The following ARFGEF3 variants were observed in gnomAD, a reference collection of about 807,000 sequenced individuals.
The protein encoded by ARFGEF3 is brefeldin A-inhibited guanine nucleotide-exchange protein 3.
A neutral mutation model predicts 221.7 loss-of-function variants in ARFGEF3; 96 were observed. That is an observed-to-expected ratio of 0.43 (90% CI 0.37 to 0.51). The LOEUF (loss-of-function observed/expected upper bound fraction) is 0.51. Among genes scored for constraint, ARFGEF3 ranks in the 20% least tolerant of loss-of-function variants. The probability of loss-of-function intolerance (pLI) is 0.00; values close to 1 mark genes in which losing one functional copy is unlikely to be tolerated. For synonymous variants in ARFGEF3, 1,145 were observed against 1,126.8 expected (o/e 1.02, Z -0.32); for missense variants, 2,410 against 2,789.9 (o/e 0.86, Z 3.07).
At chr6:138,259,188 G>A (rs1201286761) in intron 10 of ARFGEF3, among the ~76,000 whole-genome samples, 2 of 152,328 alleles carry the variant, frequency 1.3e-5, no homozygotes, top group Admixed American at 1.3e-4. Flanking sequence ...ATACCAAAAT[G>A]TGCAGGGCTT....
intron 4 of ARFGEF3, among the ~76,000 whole-genome samples, chr6:138,213,071 G>A (rs111902633): frequency 1.2e-4 from 18 of 152,060 alleles, no homozygotes; most frequent in African/African-American, 4.1e-4. Flanking sequence ...GGGGGCTCAC[G>A]AGGTCAGGAG....
chr6:138,304,651 A>G (rs2114655930), intron 22 of ARFGEF3, among the ~76,000 whole-genome samples: 1 of 152,362 alleles, frequency 6.6e-6, no homozygotes, highest in South Asian at 2.1e-4. Context: ...GGTCTCAAGT[A>G]GAAAAATATA....
intron 2 of ARFGEF3, among the ~76,000 whole-genome samples, chr6:138,188,297 G>A (rs1245801307): frequency 3.9e-5 from 6 of 152,158 alleles, no homozygotes; most frequent in Non-Finnish European, 8.8e-5. Context: ...ATGTCAGGCA[G>A]ACTTAGGTTC....
At position 138,337,870 on chromosome 6, in the gene ARFGEF3, A is replaced by G. The variant is rs1780359585; in HGVS notation, c.*1384A>G. 2.0e-5 allele frequency: 3 copies of G among 152,238 alleles called. No homozygotes were observed. In the South Asian group the frequency reaches 6.2e-4, roughly 32 times the overall value. 9.4% of individuals were successfully genotyped at this position (152,238 alleles called of 1,614,324 possible). ...CATTCTACAGAGTTATTTAAGGCAT[A>G]CATTATAATCTCCCAGCCCCATTCA... On this transcript the variant is annotated 3_prime_UTR_variant, in exon 34 of 34. Transcript: ENST00000251691.
intron 10 of ARFGEF3, among the ~76,000 whole-genome samples, chr6:138,256,164 A>G (rs1423058366): frequency 6.6e-6 from 1 of 152,178 alleles, no homozygotes; most frequent in African/African-American, 2.4e-5. Flanking sequence ...TTATCCAACA[A>G]AAGAGCTCTG....
chr6:138,324,031 G>T lies in ARFGEF3; in HGVS notation c.4878G>T (p.Leu1626=), dbSNP rs547973256. ...CTGCTGTTTCTCCCCAGGACCTGCT[G>T]GGCTGCTTCCACAGCGGCACGGAGA... ...SATLKPVKDL[L]GCFHSGTESF... is the part of the protein sequence containing the mutation. The change falls in exon 31 of 34, where the codon CTG becomes CTT. Residue 1626 remains leucine (L), a synonymous_variant. Transcript: ENST00000251691. 1.2e-6 allele frequency: 2 copies of T among 1,613,574 alleles called. No individual in the cohort carries two copies. Among genetic ancestry groups the T allele is most frequent in the Middle Eastern group, 1.7e-4 (1 of 6,060 alleles).
chr6:138,329,493 G>A (rs561901010), intron 32 of ARFGEF3, among the ~76,000 whole-genome samples: 57 of 151,932 alleles, frequency 3.8e-4, no homozygotes, highest in Non-Finnish European at 4.4e-4. Context: ...GTGAAACCCC[G>A]TCTCTGCTAA....
At chr6:138,324,366 C>T (rs1780092368) in intron 31 of ARFGEF3, among the ~76,000 whole-genome samples, 1 of 152,192 alleles carries the variant, frequency 6.6e-6, no homozygotes, top group East Asian at 1.9e-4. Flanking sequence ...TCATTTGTTG[C>T]ATCCTCCAGT....
At chr6:138,294,433 G>A (rs1033754850) in intron 20 of ARFGEF3, among the ~76,000 whole-genome samples, 3 of 152,222 alleles carry the variant, frequency 2.0e-5, no homozygotes, top group African/African-American at 7.2e-5. Context: ...GGTGCAGATA[G>A]CTTCCTTCAC....
rs753140592 is a variant in ARFGEF3 at position 138,218,226 on chromosome 6, T to C, written c.351+8185T>C. The C allele has an allele frequency of 3.1e-6, 5 of 1,613,686 alleles. No homozygotes were observed. The highest frequency in any genetic ancestry group is 2.7e-5 in the African/African-American group (2 of 74,918). On this transcript the variant is annotated intron_variant, in intron 4 of 33. Transcript: ENST00000251691. ...TGCCTTTTGACTTCTTTTTACTTTT[T>C]CTTTTTTTCGAAATACCTTGTAGCA...
chr6:138,285,262 G>C (rs1169128630), intron 14 of ARFGEF3, among the ~76,000 whole-genome samples: 1 of 152,086 alleles, frequency 6.6e-6, no homozygotes, highest in Non-Finnish European at 1.5e-5. Context: ...AGGAGATCGA[G>C]ACCATCCTGG....
At chr6:138,210,376 T>A (rs542745427) in intron 4 of ARFGEF3, among the ~76,000 whole-genome samples, 1 of 152,328 alleles carries the variant, frequency 6.6e-6, no homozygotes, top group South Asian at 2.1e-4. Flanking sequence ...TCGCATATGT[T>A]AAAACAAAGC....
intron 2 of ARFGEF3, among the ~76,000 whole-genome samples, chr6:138,195,516 GC>G (rs983410553): frequency 1.8e-4 from 28 of 152,116 alleles, no homozygotes. Context: ...TATATAATCT[GC>G]ATGATAGTCT....
Position 138,335,105 on chromosome 6 carries a change from C to T in ARFGEF3, c.6259C>T (p.Leu2087=). 1 of 1,601,798 alleles carries T rather than the reference C, an allele frequency of 6.2e-7. No homozygotes were observed. Among genetic ancestry groups the T allele is most frequent in the South Asian group, 1.1e-5 (1 of 88,376 alleles). ...TTCCTTCAGCGCAGGCCCCGAGCTGCTGCGACAGGACAAGAGGCCCCGCTC... is the reference window on the plus strand; with the variant it reads ...TTCCTTCAGCGCAGGCCCCGAGCTGTTGCGACAGGACAAGAGGCCCCGCTC... ...RHSFSAGPEL[L]RQDKRPRSGS... The change falls in exon 33 of 34, where the codon CTG becomes TTG. Residue 2087 remains leucine, a synonymous_variant. Coordinates refer to ENST00000251691, the MANE Select transcript of ARFGEF3 (RefSeq NM_020340.5).
chr6:138,193,786 T>C (rs1777356838), intron 2 of ARFGEF3, among the ~76,000 whole-genome samples: 1 of 152,212 alleles, frequency 6.6e-6, no homozygotes. Context: ...ATACATTATT[T>C]GTGAGCTTTA....
rs1389815344 is a variant in ARFGEF3 at position 138,319,070 on chromosome 6, C to T, written c.4475-633C>T. 2.6e-5 allele frequency among the ~76,000 whole-genome samples: 4 copies of T among 151,872 alleles called. No homozygotes were observed. In the East Asian group the frequency reaches 5.8e-4, roughly 22 times the overall value. On this transcript the variant is annotated intron_variant, in intron 27 of 33. Coordinates refer to ENST00000251691, the MANE Select transcript of ARFGEF3 (RefSeq NM_020340.5). ...CTGGGCTCAAGCGATCCTTCCACCT[C>T]AGCCTCCCAAGTTGCCGAGGCTACC...
intron 25 of ARFGEF3, 91 bp downstream of exon 25, chr6:138,311,601 CGA>C (rs1479976127): frequency 1.2e-6 from 1 of 818,558 alleles, no homozygotes; most frequent in South Asian, 1.5e-5. Flanking sequence ...TGCTGAAGCC[CGA>C]GAGAGACACT....
At chr6:138,270,468 A>G (rs976058463) in intron 12 of ARFGEF3, among the ~76,000 whole-genome samples, 1 of 151,162 alleles carries the variant, frequency 6.6e-6, no homozygotes, top group Admixed American at 6.6e-5. Flanking sequence ...ACACACATAT[A>G]TATATCTGGG....
At chr6:138,254,965 C>T (rs13199966) in intron 9 of ARFGEF3, among the ~76,000 whole-genome samples, 1,787 of 152,274 alleles carry the variant, frequency 0.012, 14 homozygotes, top group Non-Finnish European at 0.018. Flanking sequence ...CATCTCAACA[C>T]GAATACCAGT....
Sources: allele counts gnomAD v4.1 joint callset (sites outside exome capture counted in the v4.1 genomes callset), GRCh38; gene constraint gnomAD v4.1.1; transcripts MANE v1.5; gene names NCBI Gene and HGNC (gene_info 2026-07-23, HGNC 2026-07-21).